USH1C: variants seen among roughly 807,000 people sequenced by gnomAD.
USH1C encodes USH1 protein network component harmonin, also known as harmonin.
In USH1C, 90 loss-of-function variants were observed where a neutral mutation model predicts 119.3. The observed-to-expected ratio is 0.75, with a 90% CI of 0.64 to 0.90. The LOEUF (loss-of-function observed/expected upper bound fraction) is 0.90, where lower values mean the gene tolerates loss of function less well. Ranked by LOEUF, USH1C falls within the 40% of genes least tolerant of loss-of-function variation. The probability of loss-of-function intolerance (pLI) is 0.00; values close to 1 mark genes in which losing one functional copy is unlikely to be tolerated. For missense variants in USH1C, 1,165 were observed against 1,167.7 expected, an observed-to-expected ratio of 1.00 and a Z score of 0.03; for synonymous variants, 465 against 443.3, an observed-to-expected ratio of 1.05 and a Z score of -0.62.
At chr11:17,527,846 AAC>A (rs1047918959) in intron 4 of USH1C, among the ~76,000 whole-genome samples, 6 of 152,072 alleles carry the variant, frequency 3.9e-5, no homozygotes, top group Admixed American at 6.5e-5. Flanking sequence ...TCACATCACC[AAC>A]ACACACACAC....
In USH1C at chr11:17,523,443, G is replaced by A. The variant is rs974736193; in HGVS notation, c.795C>T (p.Asp265=). The A allele has an allele frequency of 6.2e-7, 1 of 1,614,230 alleles. No individual in the cohort carries two copies. Among genetic ancestry groups the A allele is most frequent in the East Asian group, 2.2e-5 (1 of 44,884 alleles). Residue 265 remains aspartate (D), a synonymous_variant, in exon 10 of 27, where the codon GAC becomes GAT. Transcript: ENST00000005226. ...CCTCCTTGTGATCCAGGTTAGAGAA[G>A]TCGACGCCATTGACTTCGACAATCT... The part of the protein sequence containing the change: ...GDQIVEVNGV[D]FSNLDHKEAV...
intron 22 of USH1C, 150 bp downstream of exon 22, chr11:17,501,332 A>G (rs116826514): frequency 9.1e-7 from 1 of 1,099,498 alleles, no homozygotes; most frequent in African/African-American, 1.6e-5. Flanking sequence ...CGGCCCTACA[A>G]CAGAGGGGCG....
intron 14 of USH1C, among the ~76,000 whole-genome samples, chr11:17,518,532 T>C (rs11603262): frequency 0.5 from 76,449 of 152,054 alleles, 19,427 homozygotes; most frequent in Admixed American, 0.55. Flanking sequence ...TAGGAGCCTC[T>C]GTGGTGGTGT....
chr11:17,540,513 C>T (rs1235356151), intron 1 of USH1C, among the ~76,000 whole-genome samples: 3 of 152,250 alleles, frequency 2.0e-5, no homozygotes, highest in South Asian at 4.1e-4. Context: ...AAGGACCTAC[C>T]GATGCTTATC....
rs147094360 is a variant in USH1C at position 17,537,485 on chromosome 11, C to T, written c.37-4163G>A. Among the ~76,000 whole-genome samples the T allele has an allele frequency of 3.3e-3, 510 of 152,360 alleles. 1 individual carries two copies. The highest frequency in any genetic ancestry group is 6.3e-3 in the Non-Finnish European group (428 of 68,046). ...GTTGATGAAACGTGAACTCTATTTG[C>T]TCTAGTCTAGAGCCTTCTTTCTGAC... On this transcript the variant is annotated intron_variant, in intron 1 of 26. Transcript: ENST00000005226.
chr11:17,542,412 G>A, intron 1 of USH1C, among the ~76,000 whole-genome samples: 1 of 152,254 alleles, frequency 6.6e-6, no homozygotes, highest in East Asian at 1.9e-4. Flanking sequence ...TGTCTCCAAG[G>A]CAGCAGGGCA....
intron 20 of USH1C, among the ~76,000 whole-genome samples, chr11:17,502,541 G>C (rs1849487493): frequency 6.6e-6 from 1 of 152,256 alleles, no homozygotes; most frequent in Non-Finnish European, 1.5e-5. Context: ...TGTTGGCCTG[G>C]AGCCTGGCAG....
intron 14 of USH1C, among the ~76,000 whole-genome samples, chr11:17,516,803 T>C (rs1481468845): frequency 6.6e-6 from 1 of 152,100 alleles, no homozygotes; most frequent in African/African-American, 2.4e-5. Context: ...CTTTCAACAT[T>C]CAAAGAGAAG....
At chr11:17,533,629 C>T in intron 1 of USH1C, 1 of 539,548 alleles carries the variant, frequency 1.9e-6, no homozygotes, top group Non-Finnish European at 3.5e-6. Context: ...TATGTGAATC[C>T]CCATGTGACA....
intron 8 of USH1C, among the ~76,000 whole-genome samples, chr11:17,525,442 A>G (rs528461195): frequency 1.8e-4 from 28 of 152,340 alleles, no homozygotes; most frequent in African/African-American, 6.0e-4. Flanking sequence ...ATATTTACCA[A>G]CTGCTTACTA....
chr11:17,495,811 G>A (rs1849228861), intron 25 of USH1C, 134 bp from the exon 26 acceptor site: 2 of 918,786 alleles, frequency 2.2e-6, no homozygotes, highest in African/African-American at 3.4e-5. Flanking sequence ...ATTAGGAGCT[G>A]CGAGACCCTG....
At chr11:17,517,316 AGCTGGGTGTCT>A (rs1438248135) in intron 14 of USH1C, 5 of 1,388,166 alleles carry the variant, frequency 3.6e-6, no homozygotes, top group Non-Finnish European at 5.0e-6. Flanking sequence ...GGGCCCCTGA[AGCTGGGTGTCT>A]GCACTGCGGT....
chr11:17,538,017 T>C (rs1279439289), intron 1 of USH1C, among the ~76,000 whole-genome samples: 1 of 152,212 alleles, frequency 6.6e-6, no homozygotes, highest in African/African-American at 2.4e-5. Context: ...CACTTGTCCA[T>C]TACACATCTA....
chr11:17,529,809 C>T (rs1592019728), intron 4 of USH1C, among the ~76,000 whole-genome samples: 1 of 152,180 alleles, frequency 6.6e-6, no homozygotes, highest in South Asian at 2.1e-4. Flanking sequence ...AATTCATAAG[C>T]CTGAGAAACA....
At chr11:17,523,173 A>C (rs370141359) in intron 11 of USH1C, 38 bp downstream of exon 11, 50 of 1,613,638 alleles carry the variant, frequency 3.1e-5, no homozygotes, top group Middle Eastern at 3.3e-4. Context: ...GCTGGGGATG[A>C]AGGTCAAGGG....
chr11:17,498,596 G>A (rs193177743), intron 23 of USH1C, among the ~76,000 whole-genome samples: 3 of 152,156 alleles, frequency 2.0e-5, no homozygotes, highest in African/African-American at 4.8e-5. Flanking sequence ...TCTGCCAGCC[G>A]GCCCTCCCTG....
intron 14 of USH1C, among the ~76,000 whole-genome samples, 170 bp downstream of exon 14, chr11:17,520,700 C>G (rs1422671657): frequency 6.6e-6 from 1 of 152,184 alleles, no homozygotes; most frequent in African/African-American, 2.4e-5. Flanking sequence ...ACAGATCCCT[C>G]CTACCTCGAT....
intron 23 of USH1C, 27 bp from the exon 24 acceptor site, chr11:17,498,298 A>T (rs1220564595): frequency 6.2e-7 from 1 of 1,608,308 alleles, no homozygotes; most frequent in East Asian, 2.2e-5. Flanking sequence ...CTGATTGGCC[A>T]ACTGGGCTGT....
intron 5 of USH1C, 66 bp from the exon 6 acceptor site, chr11:17,527,106 G>C: frequency 3.1e-6 from 4 of 1,295,878 alleles, no homozygotes; most frequent in Non-Finnish European, 3.0e-6. Context: ...CCGTCATGGA[G>C]TACTGACCTG....
Sources: gnomAD v4.1 joint callset for allele counts (sites outside exome capture counted in the v4.1 genomes callset) on GRCh38, gnomAD v4.1.1 for gene constraint, MANE v1.5 for transcripts, NCBI Gene and HGNC (gene_info 2026-07-23, HGNC 2026-07-21) for gene names.